The following RASGRF1 variants were observed in gnomAD, a reference collection of about 807,000 sequenced individuals.
RASGRF1 encodes the protein Ras protein specific guanine nucleotide releasing factor 1.
Under a neutral mutation model 138.7 loss-of-function variants are expected in RASGRF1, and 40 were observed. The observed-to-expected ratio is 0.29, with a 90% CI of 0.22 to 0.38. The LOEUF (loss-of-function observed/expected upper bound fraction) is 0.38. RASGRF1 is among the 10% of genes least tolerant of loss of function. The pLI is 1.00. For missense variants in RASGRF1, 1,108 were observed against 1,650.4 expected (o/e 0.67, Z 5.69); for synonymous variants, 614 against 663.2 (o/e 0.93, Z 1.14).
At position 79,031,449 on chromosome 15, in the gene RASGRF1, C is replaced by T. The variant is rs773501410; in HGVS notation, c.1213G>A (p.Glu405Lys). 6.2e-7 allele frequency: 1 copy of T among 1,613,450 alleles called. No homozygotes were observed. The highest frequency in any genetic ancestry group is 8.5e-7 in the Non-Finnish European group (1 of 1,179,744). ...TTGGCGTAGTCCAGGCTGTTGCGCT[C>T]AACGTGCTCATGAGGCGTGTGGGCC... is the stretch of plus-strand genomic sequence containing the variant. ...LLAHTPHEHV[E>K]RNSLDYAKSK... is the part of the protein sequence containing the mutation. The change falls in exon 8 of 27, where the codon GAG becomes AAG. Residue 405 changes from glutamate (E) to lysine (K), a missense_variant. Coordinates refer to ENST00000558480, the MANE Select transcript of RASGRF1 (RefSeq NM_001145648.3).
chr15:79,001,200 A>AGGGGTCTGTGC (rs1262917916), intron 16 of RASGRF1, among the ~76,000 whole-genome samples: 1 of 152,192 alleles, frequency 6.6e-6, no homozygotes, highest in East Asian at 1.9e-4. Context: ...AGATGATGAA[A>AGGGGTCTGTGC]GGGGTCTGTG....
chr15:79,084,368 T>C (rs539884969), intron 1 of RASGRF1, among the ~76,000 whole-genome samples: 299 of 152,292 alleles, frequency 2.0e-3, no homozygotes, highest in Non-Finnish European at 3.6e-3. Flanking sequence ...CTTGAAGAAG[T>C]GCAAGCAAAG....
At chr15:79,067,810 G>C (rs2057699925) in intron 1 of RASGRF1, among the ~76,000 whole-genome samples, 1 of 152,108 alleles carries the variant, frequency 6.6e-6, no homozygotes, top group East Asian at 1.9e-4. Flanking sequence ...TAGATGGGTG[G>C]GGGGCAGGTG....
In RASGRF1 at chr15:78,980,406, TTC is replaced by T. The variant is rs1169927361; in HGVS notation, c.3494+212_3494+213del. ...AGGGATCCCAGCAGTATTCCTGTGC[TTC>T]TCTCAGGAAATGCTAGCAAACTCTG... is the stretch of plus-strand genomic sequence containing the variant. On this transcript the variant is annotated intron_variant, in intron 24 of 26. Coordinates refer to ENST00000558480, the MANE Select transcript of RASGRF1 (RefSeq NM_001145648.3). 6 of 438,114 alleles carry T rather than the reference TTC, an allele frequency of 1.4e-5. No homozygotes were observed. The East Asian group carries it at 1.9e-4, about 14-fold the overall frequency. The allele number at this position is 438,114 out of a possible 1,614,324, so 27.1% of individuals were successfully genotyped here.
intron 24 of RASGRF1, among the ~76,000 whole-genome samples, chr15:78,974,458 C>T (rs1422977251): frequency 1.3e-5 from 2 of 152,230 alleles, no homozygotes; most frequent in Non-Finnish European, 2.9e-5. Flanking sequence ...CTGTCCCTCA[C>T]CTGCCTGCTG....
chr15:78,996,336 T>C (rs2056390919), intron 19 of RASGRF1, among the ~76,000 whole-genome samples: 1 of 152,074 alleles, frequency 6.6e-6, no homozygotes, highest in Non-Finnish European at 1.5e-5. Flanking sequence ...TGCCGCACGC[T>C]CACAGTGATG....
At chr15:79,012,323 G>T (rs2141752116) in intron 13 of RASGRF1, among the ~76,000 whole-genome samples, 1 of 152,220 alleles carries the variant, frequency 6.6e-6, no homozygotes, top group East Asian at 1.9e-4. Flanking sequence ...CATTCCATAA[G>T]AAACCATCCT....
chr15:79,047,042 C>T, intron 4 of RASGRF1, 43 bp from the exon 5 acceptor site: 10 of 1,590,390 alleles, frequency 6.3e-6, no homozygotes, highest in Non-Finnish European at 6.8e-6. Flanking sequence ...GTCAGGGAGT[C>T]TGGACCACTC....
In RASGRF1 at chr15:79,032,303, G is replaced by A. The variant is rs768030982; in HGVS notation, c.972C>T (p.Asp324=). The change falls in exon 7 of 27, where the codon GAC becomes GAT. Residue 324 remains aspartate (D), a synonymous_variant. Transcript: ENST00000558480. The surrounding 1 kb of genome is among the most constrained non-coding windows in gnomAD (Gnocchi z 4.5). ...WPTLVLADLF[D]ILLPMLNIYQ... Reference sequence around the variant, plus strand: ...AGATGTTGAGCATGGGCAGCAGGATGTCAAATAGGTCAGCTGGAAGGACGA... The same window carrying A: ...AGATGTTGAGCATGGGCAGCAGGATATCAAATAGGTCAGCTGGAAGGACGA... 2.5e-6 allele frequency: 4 copies of A among 1,613,838 alleles called. No individual in the cohort carries two copies. The highest frequency in any genetic ancestry group is 1.3e-5 in the African/African-American group (1 of 74,898).
chr15:79,004,289 A>T, intron 14 of RASGRF1, 114 bp from the exon 15 acceptor site: 2 of 1,331,322 alleles, frequency 1.5e-6, no homozygotes, highest in Non-Finnish European at 2.0e-6. Flanking sequence ...CATCATTCTT[A>T]GGATCCCTGA....
intron 23 of RASGRF1, among the ~76,000 whole-genome samples, chr15:78,983,764 G>A (rs754301661): frequency 6.6e-6 from 1 of 152,254 alleles, no homozygotes; most frequent in Non-Finnish European, 1.5e-5. Context: ...TTGGCTAGAT[G>A]TGCCTGCAGC....
chr15:79,047,184 T>C (rs1304834642), intron 4 of RASGRF1, among the ~76,000 whole-genome samples, 185 bp from the exon 5 acceptor site: 3 of 152,182 alleles, frequency 2.0e-5, no homozygotes, highest in African/African-American at 7.2e-5. Context: ...CAGGGCAAGT[T>C]GTTTGGTTGC....
intron 1 of RASGRF1, among the ~76,000 whole-genome samples, chr15:79,067,697 A>G (rs1695311662): frequency 6.6e-6 from 1 of 152,230 alleles, no homozygotes; most frequent in Non-Finnish European, 1.5e-5. Flanking sequence ...GAGTTTCTGA[A>G]TCAGCACAAA....
At chr15:79,048,772 T>A (rs566697484) in intron 4 of RASGRF1, among the ~76,000 whole-genome samples, 1 of 152,348 alleles carries the variant, frequency 6.6e-6, no homozygotes, top group East Asian at 1.9e-4. Flanking sequence ...GATGCCAGTT[T>A]GCAGTTTCTA....
At chr15:79,029,288 T>C (rs2057104236) in intron 8 of RASGRF1, among the ~76,000 whole-genome samples, 1 of 152,190 alleles carries the variant, frequency 6.6e-6, no homozygotes, top group African/African-American at 2.4e-5. Flanking sequence ...TCTGGACACA[T>C]GCTAGTTCCC....
chr15:79,052,461 ATC>A (rs982207220), intron 3 of RASGRF1, among the ~76,000 whole-genome samples: 3 of 151,744 alleles, frequency 2.0e-5, no homozygotes, highest in Admixed American at 6.6e-5. Context: ...GGTGCCCCCC[ATC>A]TCTGTTTCCC....
At chr15:79,087,731 T>C (rs549615349) in intron 1 of RASGRF1, among the ~76,000 whole-genome samples, 6 of 152,312 alleles carry the variant, frequency 3.9e-5, no homozygotes, top group Admixed American at 2.6e-4. Flanking sequence ...ACTCAAAGAT[T>C]GAGAAAAGAA....
At chr15:79,066,675 C>G (rs2057685166) in intron 1 of RASGRF1, among the ~76,000 whole-genome samples, 1 of 152,208 alleles carries the variant, frequency 6.6e-6, no homozygotes, top group Non-Finnish European at 1.5e-5. Flanking sequence ...GGTAGGGAAG[C>G]AGATGGCTCC....
At chr15:79,089,534 C>G (rs574125998) in intron 1 of RASGRF1, among the ~76,000 whole-genome samples, 18 of 152,364 alleles carry the variant, frequency 1.2e-4, no homozygotes, top group Admixed American at 1.2e-3. Context: ...GCGCCCACTT[C>G]GTCCCGCTGC....
Sources: gnomAD v4.1 joint callset for allele counts (sites outside exome capture counted in the v4.1 genomes callset) on GRCh38, gnomAD v4.1.1 for gene constraint, Gnocchi (gnomAD v3.1) non-coding constraint, MANE v1.5 for transcripts, NCBI Gene and HGNC (gene_info 2026-07-23, HGNC 2026-07-21) for gene names.